The following TSPAN18 variants were observed in gnomAD, a reference collection of about 807,000 sequenced individuals.
TSPAN18 encodes the protein tetraspanin 18, also known as tetraspanin-18.
In TSPAN18, 14 loss-of-function variants were observed where a neutral mutation model predicts 27.3. That is an observed-to-expected ratio of 0.51 (90% CI 0.34 to 0.80). The LOEUF is 0.80. Among genes scored for constraint, TSPAN18 ranks in the 30% least tolerant of loss-of-function variants. TSPAN18 has a pLI of 0.01. For synonymous variants in TSPAN18, 143 were observed against 136.5 expected, an observed-to-expected ratio of 1.05 and a Z score of -0.33; for missense variants, 268 against 323.9, an observed-to-expected ratio of 0.83 and a Z score of 1.32.
intron 2 of TSPAN18, among the ~76,000 whole-genome samples, chr11:44,823,107 G>T (rs1235057951): frequency 6.6e-6 from 1 of 152,206 alleles, no homozygotes; most frequent in Admixed American, 6.5e-5. Flanking sequence ...AAGTGACACA[G>T]AATTTTTCTC....
intron 2 of TSPAN18, among the ~76,000 whole-genome samples, chr11:44,791,465 G>A (rs1856219177): frequency 6.6e-6 from 1 of 152,264 alleles, no homozygotes; most frequent in African/African-American, 2.4e-5. Flanking sequence ...GACATGTGAA[G>A]GCTAGAAGCC....
intron 3 of TSPAN18, among the ~76,000 whole-genome samples, chr11:44,869,857 T>C (rs1375043121): frequency 6.6e-6 from 1 of 151,932 alleles, no homozygotes; most frequent in Non-Finnish European, 1.5e-5. Flanking sequence ...GAGGTTGGGG[T>C]GGGTGGGCAG....
At chr11:44,748,669 G>A (rs760810216) in intron 1 of TSPAN18, among the ~76,000 whole-genome samples, 5 of 152,202 alleles carry the variant, frequency 3.3e-5, no homozygotes, top group Non-Finnish European at 5.9e-5. Flanking sequence ...CTTTAGAGAA[G>A]CCACAGTGTC....
rs576100197 is a variant in TSPAN18 at position 44,835,536 on chromosome 11, C to T, written c.-152-24792C>T. ...TTGGGTGAGGCATTACTGGACCAGA[C>T]CTGATTTTGCTGAGACAGCGATCTG... On this transcript the variant is annotated intron_variant, in intron 2 of 9. Transcript: ENST00000520358. Among the ~76,000 whole-genome samples, 43 of 152,200 alleles carry T rather than the reference C, an allele frequency of 2.8e-4. 1 individual carries two copies. In the South Asian group the frequency reaches 8.7e-3, roughly 31 times the overall value.
At chr11:44,765,508 A>ATG (rs1855548349) in intron 2 of TSPAN18, among the ~76,000 whole-genome samples, 2 of 152,290 alleles carry the variant, frequency 1.3e-5, no homozygotes, top group Non-Finnish European at 2.9e-5. Context: ...TGCGCCAGGC[A>ATG]CAGTGTGACG....
chr11:44,887,163 G>A (rs546169792), intron 3 of TSPAN18, among the ~76,000 whole-genome samples: 6 of 152,146 alleles, frequency 3.9e-5, no homozygotes, highest in South Asian at 2.1e-4. Flanking sequence ...CTCTGGAATC[G>A]ACTGCTGAGG....
intron 2 of TSPAN18, among the ~76,000 whole-genome samples, chr11:44,790,638 G>A (rs1408339316): frequency 2.6e-5 from 4 of 152,084 alleles, no homozygotes; most frequent in Non-Finnish European, 5.9e-5. Context: ...GTGTACACTT[G>A]CTTGAACTAT....
chr11:44,914,050 C>G (rs1859817943), intron 5 of TSPAN18, among the ~76,000 whole-genome samples: 1 of 152,270 alleles, frequency 6.6e-6, no homozygotes, highest in South Asian at 2.1e-4. Flanking sequence ...TCAAGTCATG[C>G]CCAGGCCTTG....
In TSPAN18 at chr11:44,929,262, T is replaced by C. The variant is rs1245037244; in HGVS notation, c.*84T>C. The C allele has an allele frequency of 1.3e-6, 2 of 1,555,636 alleles. No homozygotes were observed. The highest frequency in any genetic ancestry group is 2.7e-5 in the African/African-American group (2 of 73,456). ...CCTCCCGTGCCCCTCCCCGCTGTCC[T>C]CTTGGCCCCAGGGGAGAAGATGAGG... On this transcript the variant is annotated 3_prime_UTR_variant, in exon 10 of 10. Coordinates refer to ENST00000520358, the MANE Select transcript of TSPAN18 (RefSeq NM_130783.5).
intron 1 of TSPAN18, among the ~76,000 whole-genome samples, chr11:44,752,566 TTG>T (rs10539343): frequency 0.91 from 138,419 of 151,702 alleles, 63,597 homozygotes; most frequent in East Asian, 1. Flanking sequence ...CTTTGACAGT[TTG>T]TGTGTGTGTG....
chr11:44,808,619 G>C (rs946758296), intron 2 of TSPAN18, among the ~76,000 whole-genome samples: 1 of 152,160 alleles, frequency 6.6e-6, no homozygotes, highest in African/African-American at 2.4e-5. Context: ...GTGGAACAGG[G>C]AGATGGAATC....
At chr11:44,757,999 T>C (rs1855370860) in intron 1 of TSPAN18, among the ~76,000 whole-genome samples, 1 of 152,220 alleles carries the variant, frequency 6.6e-6, no homozygotes, top group African/African-American at 2.4e-5. Context: ...ATTTTTCCTT[T>C]TGTTGTCTGG....
chr11:44,800,006 GTTTTTTTT>G (rs60067559), intron 2 of TSPAN18, among the ~76,000 whole-genome samples: 4 of 109,398 alleles, frequency 3.7e-5, no homozygotes, highest in Admixed American at 3.1e-4. Flanking sequence ...AATTTTTTGT[GTTTTTTTT>G]TTTTTTTTTT....
At chr11:44,834,527 C>T (rs1363151224) in intron 2 of TSPAN18, among the ~76,000 whole-genome samples, 4 of 152,108 alleles carry the variant, frequency 2.6e-5, no homozygotes, top group African/African-American at 9.7e-5. Context: ...GAGTTTTCAC[C>T]ATTGTCCTTT....
intron 3 of TSPAN18, among the ~76,000 whole-genome samples, chr11:44,874,574 C>T (rs1262203682): frequency 1.3e-5 from 2 of 152,214 alleles, no homozygotes; most frequent in South Asian, 4.1e-4. Flanking sequence ...GATTGCAAAG[C>T]CTGGCACTAA....
chr11:44,816,086 A>AG (rs1856813571), intron 2 of TSPAN18, among the ~76,000 whole-genome samples: 1 of 102,302 alleles, frequency 9.8e-6, no homozygotes, highest in South Asian at 5.3e-4. Flanking sequence ...TCTGGGCCTT[A>AG]GTTTCTTGTC....
At chr11:44,915,951 G>T (rs1209109242) in intron 5 of TSPAN18, among the ~76,000 whole-genome samples, 2 of 152,228 alleles carry the variant, frequency 1.3e-5, no homozygotes, top group African/African-American at 2.4e-5. Context: ...GGAGCCCATG[G>T]TGCATCTGAG....
chr11:44,919,191 C>A, intron 6 of TSPAN18, 23 bp from the exon 7 acceptor site: 1 of 1,603,522 alleles, frequency 6.2e-7, no homozygotes, highest in Non-Finnish European at 8.5e-7. Flanking sequence ...AGGCCTAAGC[C>A]CATCTTCTCC....
At chr11:44,841,704 G>A (rs1334588114) in intron 2 of TSPAN18, among the ~76,000 whole-genome samples, 1 of 152,146 alleles carries the variant, frequency 6.6e-6, no homozygotes, top group African/African-American at 2.4e-5. Flanking sequence ...CATCTGAGAG[G>A]GAAGTATGTG....
Sources: allele counts gnomAD v4.1 joint callset (sites outside exome capture counted in the v4.1 genomes callset), GRCh38; gene constraint gnomAD v4.1.1; transcripts MANE v1.5; gene names NCBI Gene and HGNC (gene_info 2026-07-23, HGNC 2026-07-21).